The following TENT2 variants were observed in gnomAD, a reference collection of about 807,000 sequenced individuals.
TENT2 encodes the protein poly(A) RNA polymerase GLD2.
A neutral mutation model predicts 72.2 loss-of-function variants in TENT2; 44 were observed. That is an observed-to-expected ratio of 0.61 (90% CI 0.48 to 0.78). TENT2 has a LOEUF of 0.78. Ranked by LOEUF, TENT2 falls within the 30% of genes least tolerant of loss-of-function variation. The pLI is 0.00. For missense variants in TENT2, 541 were observed against 569.6 expected, an observed-to-expected ratio of 0.95 and a Z score of 0.51; for synonymous variants, 212 against 192.5, an observed-to-expected ratio of 1.10 and a Z score of -0.84.
chr5:79,672,634 G>C (rs1813814620), intron 12 of TENT2, among the ~76,000 whole-genome samples: 1 of 152,170 alleles, frequency 6.6e-6, no homozygotes, highest in Admixed American at 6.5e-5. Context: ...GCAAATGAGA[G>C]GATCTCATTC....
At chr5:79,641,265 T>A in intron 6 of TENT2, 69 bp downstream of exon 6, 1 of 1,343,274 alleles carries the variant, frequency 7.4e-7, no homozygotes, top group Non-Finnish European at 1.0e-6. Context: ...TACATAAAAG[T>A]CATTGAGGGA....
In TENT2 at chr5:79,645,109, C is replaced by CT; in HGVS notation, c.752-10dup. ...AAACATTTGCAGCTATTCACATTAT[C>CT]TTTTGTCTTTCAGCGGGCTACATTG... On this transcript the variant is annotated splice_polypyrimidine_tract_variant and intron_variant, in intron 7 of 14. Transcript: ENST00000453514. 1 of 1,585,584 alleles carries CT rather than the reference C, an allele frequency of 6.3e-7. No homozygotes were observed. The highest frequency in any genetic ancestry group is 8.6e-7 in the Non-Finnish European group (1 of 1,168,042).
intron 7 of TENT2, among the ~76,000 whole-genome samples, chr5:79,643,799 AT>A (rs891449916): frequency 1.3e-5 from 2 of 151,654 alleles, no homozygotes; most frequent in Admixed American, 6.6e-5. Context: ...ATTCACATGA[AT>A]TTTTTTTTCT....
At chr5:79,657,434 C>T (rs1561542410) in intron 11 of TENT2, among the ~76,000 whole-genome samples, 1 of 152,200 alleles carries the variant, frequency 6.6e-6, no homozygotes, top group South Asian at 2.1e-4. Context: ...GATAATCTTT[C>T]TATCTTTAAT....
intron 4 of TENT2, among the ~76,000 whole-genome samples, chr5:79,629,093 A>G (rs1278035344): frequency 1.3e-5 from 2 of 152,222 alleles, no homozygotes; most frequent in Non-Finnish European, 2.9e-5. Flanking sequence ...TTTCTTGAGC[A>G]GAAATCTTGG....
chr5:79,613,796 A>G (rs1190944556), intron 1 of TENT2: 1 of 152,226 alleles, frequency 6.6e-6, no homozygotes, highest in African/African-American at 2.4e-5. Context: ...ACCTGGAAGT[A>G]GTTTTCACAG....
rs139712625 is a variant in TENT2, at chr5:79,644,014, G to A, written c.751+1104G>A. Among the ~76,000 whole-genome samples, 52 of 146,726 alleles carry A rather than the reference G, an allele frequency of 3.5e-4. 1 individual carries two copies. In the East Asian group the frequency reaches 7.1e-3, roughly 20 times the overall value. ...TTTTTTTTTTTTGAGACAGAGTCTCGCTCTATCACGAGGCTGGAGTGCAGT... is the reference window on the plus strand; with the variant it reads ...TTTTTTTTTTTTGAGACAGAGTCTCACTCTATCACGAGGCTGGAGTGCAGT... On this transcript the variant is annotated intron_variant, in intron 7 of 14. Transcript: ENST00000453514.
chr5:79,643,064 A>G (rs1473001049), intron 7 of TENT2, 154 bp downstream of exon 7: 10 of 789,270 alleles, frequency 1.3e-5, no homozygotes, highest in Non-Finnish European at 3.1e-6. Context: ...ACTTTTGATG[A>G]AAAAGAAGAG....
intron 4 of TENT2, among the ~76,000 whole-genome samples, chr5:79,627,680 T>C (rs2150104022): frequency 6.6e-6 from 1 of 152,244 alleles, no homozygotes. Flanking sequence ...AGATGGGGTT[T>C]TACCATGTTG....
At chr5:79,616,412 C>T (rs190771549) in intron 1 of TENT2, among the ~76,000 whole-genome samples, 1 of 152,088 alleles carries the variant, frequency 6.6e-6, no homozygotes, top group African/African-American at 2.4e-5. Context: ...TCAGGCTGGT[C>T]TTGAACTCCT....
Position 79,645,135 on chromosome 5 carries a change from A to G in TENT2, c.764A>G (p.Glu255Gly). ...HFCTRLSGYI[E>G]RPQLIRAKVP... ...TTTTGTCTTTCAGCGGGCTACATTG[A>G]GAGACCTCAGCTGATTCGAGCAAAA... The change falls in exon 8 of 15, where the codon GAG (glutamate) becomes GGG (glycine). Residue 255 changes from glutamate (E) to glycine (G), a missense_variant. Physicochemically the swap from Glu to Gly is moderately conservative, Grantham distance 98 (BLOSUM62 -2). Transcript: ENST00000453514. 1 of 1,605,218 alleles carries G rather than the reference A, an allele frequency of 6.2e-7. No individual in the cohort carries two copies.
intron 12 of TENT2, among the ~76,000 whole-genome samples, chr5:79,679,265 A>G (rs1245478751): frequency 2.6e-5 from 4 of 152,188 alleles, no homozygotes; most frequent in Admixed American, 2.6e-4. Flanking sequence ...AAAACCTGGT[A>G]TGTACTATGC....
chr5:79,619,391 G>A (rs1762964656), intron 1 of TENT2, among the ~76,000 whole-genome samples: 4 of 152,180 alleles, frequency 2.6e-5, no homozygotes, highest in Non-Finnish European at 5.9e-5. Flanking sequence ...AATTAGAAAT[G>A]TGCATATATC....
At position 79,640,820 on chromosome 5, in the gene TENT2, A is replaced by T. The variant is rs749234860; in HGVS notation, c.466-31A>T. 1.4e-5 allele frequency: 21 copies of T among 1,464,254 alleles called. No homozygotes were observed. In the Middle Eastern group the frequency reaches 1.2e-3, roughly 86 times the overall value. 90.7% of individuals were successfully genotyped at this position (1,464,254 alleles called of 1,614,324 possible). A position where few individuals can be genotyped will look rare whatever the true frequency, so the allele number is the denominator to read the frequency against. The stretch of plus-strand genomic sequence containing the variant: ...CAATTACTTTTACATTGCTGAACAA[A>T]ACTTTTACTTTTTTTTGCGGTGGAT... On this transcript the variant is annotated intron_variant, in intron 4 of 14. Transcript: ENST00000453514.
chr5:79,648,467 AGT>A (rs1790950069), intron 8 of TENT2, 148 bp from the exon 9 acceptor site: 2 of 579,042 alleles, frequency 3.5e-6, no homozygotes, highest in African/African-American at 3.8e-5. Flanking sequence ...TTATTTCTTT[AGT>A]GTGTCATTTT....
chr5:79,677,288 G>T (rs982765733), intron 12 of TENT2, among the ~76,000 whole-genome samples: 12 of 151,970 alleles, frequency 7.9e-5, no homozygotes, highest in Admixed American at 6.6e-4. Context: ...TGGGTTTATT[G>T]TACATTGAAA....
chr5:79,620,149 C>G (rs1337474481), intron 3 of TENT2, 66 bp downstream of exon 3: 5 of 1,107,242 alleles, frequency 4.5e-6, no homozygotes, highest in Middle Eastern at 2.8e-4. Flanking sequence ...AATGATGTAT[C>G]TTGAATTAAT....
Position 79,641,149 on chromosome 5 carries a change from A to T in TENT2, c.625A>T (p.Thr209Ser), listed in dbSNP as rs759006283. The change falls in exon 6 of 15, where the codon ACC (threonine) becomes TCC (serine). Residue 209 changes from threonine to serine, a missense_variant. Transcript: ENST00000453514. ...LVGSSLNGFG[T>S]RSSDGDLCLV... ...TGGGTCCTCTTTAAATGGATTTGGT[A>T]CCCGGAGCAGTGATGGTGATTTATG... is the stretch of plus-strand genomic sequence containing the variant. The T allele has an allele frequency of 6.3e-7, 1 of 1,579,366 alleles. No individual in the cohort carries two copies. The highest frequency in any genetic ancestry group is 8.5e-7 in the Non-Finnish European group (1 of 1,170,274).
chr5:79,650,182 A>G lies in TENT2; in HGVS notation c.1027+992A>G, dbSNP rs564718724. ...TTTCCAAAGATTACAATAATAGGAG[A>G]AAACATATTTTAGCATATATAATAC... On this transcript the variant is annotated intron_variant, in intron 10 of 14. Transcript: ENST00000453514. Among the ~76,000 whole-genome samples, 54 of 152,238 alleles carry G rather than the reference A, an allele frequency of 3.5e-4. No individual in the cohort carries two copies. The South Asian group carries it at 0.011, about 30-fold the overall frequency.
Sources: gnomAD v4.1 joint callset for allele counts (sites outside exome capture counted in the v4.1 genomes callset) on GRCh38, gnomAD v4.1.1 for gene constraint, MANE v1.5 for transcripts, NCBI Gene and HGNC (gene_info 2026-07-23, HGNC 2026-07-21) for gene names.